Variants in FSTL5 observed in about 807,000 individuals in gnomAD.
FSTL5 encodes the protein follistatin like 5.
In FSTL5, 62 loss-of-function variants were observed where a neutral mutation model predicts 89.1. The ratio of observed to expected loss-of-function variants is 0.70; its 90% CI spans 0.57 to 0.86. The LOEUF (loss-of-function observed/expected upper bound fraction) is 0.86. FSTL5 is among the 40% of genes least tolerant of loss of function. The pLI, the probability that FSTL5 is intolerant of heterozygous loss-of-function variation, is 0.00. For missense variants in FSTL5, 1,057 were observed against 1,001.6 expected (o/e 1.06, Z -0.75); for synonymous variants, 383 against 346.2 (o/e 1.11, Z -1.18).
At chr4:161,975,321 T>G (rs1006977254) in intron 3 of FSTL5, among the ~76,000 whole-genome samples, 1 of 151,926 alleles carries the variant, frequency 6.6e-6, no homozygotes, top group Non-Finnish European at 1.5e-5. Context: ...TATTGCGGCA[T>G]TATTCACAAT....
intron 10 of FSTL5, among the ~76,000 whole-genome samples, chr4:161,534,824 A>G (rs916187215): frequency 2.0e-5 from 3 of 152,124 alleles, no homozygotes; most frequent in Non-Finnish European, 4.4e-5. Flanking sequence ...TTCACACTAT[A>G]CTACAGGGAG....
chr4:161,972,319 A>G (rs1578905490), intron 3 of FSTL5, among the ~76,000 whole-genome samples: 1 of 152,026 alleles, frequency 6.6e-6, no homozygotes, highest in Non-Finnish European at 1.5e-5. Context: ...GGTGATCCAC[A>G]TGTCTCGGCC....
chr4:161,780,547 G>A (rs990637764), intron 4 of FSTL5, among the ~76,000 whole-genome samples: 1 of 152,150 alleles, frequency 6.6e-6, no homozygotes, highest in Non-Finnish European at 1.5e-5. Context: ...GGTAACTGTA[G>A]ATTATCTTCC....
At chr4:162,076,155 G>T (rs1446261240) in intron 2 of FSTL5, among the ~76,000 whole-genome samples, 1 of 151,800 alleles carries the variant, frequency 6.6e-6, no homozygotes, top group East Asian at 1.9e-4. Flanking sequence ...TCTTTGAGGT[G>T]GCTAAAGGAG....
chr4:161,466,832 A>G (rs1486275405), intron 13 of FSTL5, among the ~76,000 whole-genome samples: 1 of 152,172 alleles, frequency 6.6e-6, no homozygotes. Context: ...GTATTTGCTG[A>G]AAACAAATAC....
intron 12 of FSTL5, among the ~76,000 whole-genome samples, chr4:161,489,011 A>G (rs1035944351): frequency 6.6e-6 from 1 of 152,120 alleles, no homozygotes; most frequent in Non-Finnish European, 1.5e-5. Flanking sequence ...AGGTTTGTCA[A>G]TTTTTTTGAT....
chr4:161,922,215 A>G (rs553742711), intron 3 of FSTL5, among the ~76,000 whole-genome samples: 42 of 152,120 alleles, frequency 2.8e-4, no homozygotes, highest in Middle Eastern at 3.4e-3. Context: ...ATTATTGATG[A>G]AGGATTCCAT....
chr4:161,892,445 T>C (rs908126558), intron 4 of FSTL5, among the ~76,000 whole-genome samples: 3 of 152,010 alleles, frequency 2.0e-5, no homozygotes, highest in Non-Finnish European at 4.4e-5. Context: ...TTATAATTCT[T>C]CTCAGTTCAC....
rs1733314986 is a variant in FSTL5, at chr4:161,578,551, G to GA, written c.1015+8903dup. On this transcript the variant is annotated intron_variant, in intron 8 of 15. Transcript: ENST00000306100. ...GGATGGAGAAAACAGAAATCTATTT[G>GA]AAAAAAATAATGGCCAAACGTTTAT... Among the ~76,000 whole-genome samples, 6 of 151,836 alleles carry GA rather than the reference G, an allele frequency of 4.0e-5. No homozygotes were observed. In the South Asian group the frequency reaches 1.2e-3, roughly 31 times the overall value.
At chr4:161,390,336 T>C (rs1203122675) in intron 15 of FSTL5, among the ~76,000 whole-genome samples, 1 of 152,142 alleles carries the variant, frequency 6.6e-6, no homozygotes, top group African/African-American at 2.4e-5. Flanking sequence ...GAGGTTGCAG[T>C]CAGCATTTAT....
At chr4:162,052,531 T>A (rs1738410809) in intron 2 of FSTL5, among the ~76,000 whole-genome samples, 1 of 151,734 alleles carries the variant, frequency 6.6e-6, no homozygotes, top group African/African-American at 2.4e-5. Flanking sequence ...CAACCCATTA[T>A]TATGAAAGCT....
intron 3 of FSTL5, among the ~76,000 whole-genome samples, chr4:161,959,637 C>T (rs780956989): frequency 2.0e-5 from 3 of 151,954 alleles, no homozygotes; most frequent in African/African-American, 7.2e-5. Context: ...TGAAAAGTAA[C>T]GTATGTGTGA....
chr4:161,825,337 T>C (rs1409202540), intron 4 of FSTL5, among the ~76,000 whole-genome samples: 1 of 152,308 alleles, frequency 6.6e-6, no homozygotes, highest in African/African-American at 2.4e-5. Context: ...ATCAGACATA[T>C]TGGTCTGTAG....
chr4:161,492,323 G>A (rs570078314), intron 12 of FSTL5, among the ~76,000 whole-genome samples: 78 of 152,224 alleles, frequency 5.1e-4, no homozygotes, highest in South Asian at 1.7e-3. Context: ...TAGTTTGGAA[G>A]TCAATATTAA....
rs563962434 is a variant in FSTL5 at position 161,844,156 on chromosome 4, G to C, written c.410-68082C>G. 8.9e-4 allele frequency among the ~76,000 whole-genome samples: 136 copies of C among 152,212 alleles called. 1 individual carries two copies. Among genetic ancestry groups the C allele is most frequent in the African/African-American group, 3.2e-3 (133 of 41,550 alleles). On this transcript the variant is annotated intron_variant, in intron 4 of 15. Coordinates refer to ENST00000306100, the MANE Select transcript of FSTL5 (RefSeq NM_020116.5). The stretch of plus-strand genomic sequence containing the variant: ...GGATATGAACAGACACTTCTCAAAA[G>C]AAGACATATATGCAGCCAATAAACA...
chr4:161,421,269 A>C (rs1327599295), intron 15 of FSTL5, among the ~76,000 whole-genome samples: 1 of 151,124 alleles, frequency 6.6e-6, no homozygotes, highest in Non-Finnish European at 1.5e-5. Flanking sequence ...TGAACCCGGG[A>C]GGTGGAGCTT....
At chr4:161,571,757 A>AT (rs1335705640) in intron 8 of FSTL5, among the ~76,000 whole-genome samples, 1 of 152,136 alleles carries the variant, frequency 6.6e-6, no homozygotes, top group African/African-American at 2.4e-5. Flanking sequence ...AGCAATGTGG[A>AT]GCCTTGGTGA....
chr4:161,636,138 A>G (rs1735686976), intron 7 of FSTL5, among the ~76,000 whole-genome samples: 1 of 151,936 alleles, frequency 6.6e-6, no homozygotes, highest in Non-Finnish European at 1.5e-5. Flanking sequence ...GAATTTCATT[A>G]TATAACTTAT....
At chr4:161,711,514 A>G (rs944354266) in intron 6 of FSTL5, among the ~76,000 whole-genome samples, 2 of 152,118 alleles carry the variant, frequency 1.3e-5, no homozygotes, top group African/African-American at 2.4e-5. Context: ...AATTAGTAAT[A>G]TAAAAACTCC....
Sources: allele counts gnomAD v4.1 joint callset (sites outside exome capture counted in the v4.1 genomes callset), GRCh38; gene constraint gnomAD v4.1.1; transcripts MANE v1.5; gene names NCBI Gene and HGNC (gene_info 2026-07-23, HGNC 2026-07-21).